The following OTOGL variants were observed in gnomAD, a reference collection of about 807,000 sequenced individuals.
OTOGL encodes otogelin-like protein.
Under a neutral mutation model 318.5 loss-of-function variants are expected in OTOGL, and 285 were observed. The observed-to-expected ratio is 0.89, with a 90% CI of 0.81 to 0.99. The LOEUF is 0.99. OTOGL is among the 50% of genes least tolerant of loss of function. The pLI, the probability that OTOGL is intolerant of heterozygous loss-of-function variation, is 0.00. For missense variants in OTOGL, 2,899 were observed against 2,845.6 expected, an observed-to-expected ratio of 1.02 and a Z score of -0.43; for synonymous variants, 987 against 936.5, an observed-to-expected ratio of 1.05 and a Z score of -0.99.
intron 18 of OTOGL, among the ~76,000 whole-genome samples, chr12:80,258,866 A>G (rs552495565): frequency 2.8e-4 from 42 of 152,216 alleles, no homozygotes; most frequent in African/African-American, 9.9e-4. Flanking sequence ...TCAGCTAGAC[A>G]GGGTGCATAA....
chr12:80,345,864 C>T (rs996967064), intron 44 of OTOGL, among the ~76,000 whole-genome samples: 2 of 152,096 alleles, frequency 1.3e-5, no homozygotes, highest in Non-Finnish European at 2.9e-5. Context: ...TACACAGTAG[C>T]CTGTGTCTTC....
chr12:80,232,515 T>C (rs985897173), intron 8 of OTOGL, among the ~76,000 whole-genome samples: 1 of 152,200 alleles, frequency 6.6e-6, no homozygotes, highest in African/African-American at 2.4e-5. Flanking sequence ...TTTAACTCTC[T>C]AGATAAAAAA....
At chr12:80,187,264 TG>T (rs1024607859) in intron 1 of OTOGL, among the ~76,000 whole-genome samples, 6 of 151,790 alleles carry the variant, frequency 4.0e-5, no homozygotes, top group African/African-American at 1.5e-4. Flanking sequence ...AGGTTGTTTT[TG>T]TTTTTTTTTT....
In OTOGL at chr12:80,367,544, A is replaced by G. The variant is rs1281704460; in HGVS notation, c.6332-17A>G. On this transcript the variant is annotated splice_polypyrimidine_tract_variant and intron_variant, in intron 53 of 58. Transcript: ENST00000547103. ...TCAACAGTATATTTTCTTATTGACT[A>G]TGTTTTCTGTTCTTAGAAAAGGATG... 4.8e-6 allele frequency: 7 copies of G among 1,463,548 alleles called. No individual in the cohort carries two copies. In the Admixed American group the frequency reaches 6.9e-5, roughly 14 times the overall value. 90.7% of individuals were successfully genotyped at this position (1,463,548 alleles called of 1,614,324 possible).
intron 37 of OTOGL, among the ~76,000 whole-genome samples, chr12:80,331,224 T>A (rs1468821860): frequency 1.3e-5 from 2 of 152,076 alleles, no homozygotes; most frequent in Non-Finnish European, 2.9e-5. Flanking sequence ...GCTGTAGTTA[T>A]CAAGACAGTT....
chr12:80,313,435 GTATC>G, intron 30 of OTOGL, 37 bp from the exon 31 acceptor site: 1 of 1,530,808 alleles, frequency 6.5e-7, no homozygotes, highest in Non-Finnish European at 9.0e-7. Context: ...ATCATAATCA[GTATC>G]TATTGAAATT....
chr12:80,271,172 A>G (rs908142897), intron 23 of OTOGL, among the ~76,000 whole-genome samples: 6 of 152,122 alleles, frequency 3.9e-5, no homozygotes, highest in Non-Finnish European at 1.5e-5. Context: ...GCCTTCTCAC[A>G]GAGGAACCCA....
At chr12:80,101,684 T>A (rs1472600439) in intron 1 of OTOGL, among the ~76,000 whole-genome samples, 1 of 152,112 alleles carries the variant, frequency 6.6e-6, no homozygotes, top group Non-Finnish European at 1.5e-5. Context: ...GCAGTTTTTT[T>A]TAAAAAAATC....
intron 46 of OTOGL, among the ~76,000 whole-genome samples, chr12:80,354,573 AG>A (rs749398688): frequency 9.2e-5 from 14 of 152,208 alleles, no homozygotes; most frequent in Non-Finnish European, 1.0e-4. Flanking sequence ...TGTCAGTCAT[AG>A]GCCTCTTCAT....
intron 1 of OTOGL, among the ~76,000 whole-genome samples, chr12:80,154,301 T>C (rs1872975974): frequency 6.6e-6 from 1 of 151,742 alleles, no homozygotes; most frequent in Non-Finnish European, 1.5e-5. Context: ...AGAGCAAGAC[T>C]CAGTTAAAAA....
intron 40 of OTOGL, 23 bp downstream of exon 40, chr12:80,336,578 A>ATTTC: frequency 6.3e-7 from 1 of 1,592,220 alleles, no homozygotes; most frequent in Non-Finnish European, 8.6e-7. Context: ...TTATTTTTGC[A>ATTTC]GTCATTTCAT....
At chr12:80,124,379 T>C (rs1211542086) in intron 1 of OTOGL, among the ~76,000 whole-genome samples, 1 of 152,212 alleles carries the variant, frequency 6.6e-6, no homozygotes, top group African/African-American at 2.4e-5. Context: ...AGGGCTCTGT[T>C]CTGTTCCATT....
At chr12:80,213,403 G>A (rs11114353) in intron 4 of OTOGL, among the ~76,000 whole-genome samples, 7,653 of 152,160 alleles carry the variant, frequency 0.05, 637 homozygotes, top group African/African-American at 0.18. Context: ...TTTATGACCT[G>A]TATCTTGTGA....
At chr12:80,168,958 A>G (rs1874010132) in intron 1 of OTOGL, among the ~76,000 whole-genome samples, 1 of 152,038 alleles carries the variant, frequency 6.6e-6, no homozygotes, top group African/African-American at 2.4e-5. Flanking sequence ...TAACTTGGGC[A>G]TTTATTCATC....
chr12:80,123,617 A>T (rs987528830), intron 1 of OTOGL, among the ~76,000 whole-genome samples: 2 of 152,140 alleles, frequency 1.3e-5, no homozygotes, highest in Non-Finnish European at 2.9e-5. Flanking sequence ...CGCCCCACTG[A>T]CTTCCACAAT....
At chr12:80,156,521 C>A (rs572348646) in intron 1 of OTOGL, among the ~76,000 whole-genome samples, 6 of 152,168 alleles carry the variant, frequency 3.9e-5, no homozygotes, top group Non-Finnish European at 7.4e-5. Context: ...CCATACAGGT[C>A]TCATCTTGAA....
intron 1 of OTOGL, among the ~76,000 whole-genome samples, chr12:80,175,468 A>G (rs1325115730): frequency 1.3e-5 from 2 of 152,210 alleles, no homozygotes; most frequent in Non-Finnish European, 2.9e-5. Flanking sequence ...CACTTGTAGC[A>G]TTGCCTTGCT....
At chr12:80,161,246 A>T (rs60315820) in intron 1 of OTOGL, among the ~76,000 whole-genome samples, 1,919 of 152,222 alleles carry the variant, frequency 0.013, 47 homozygotes, top group African/African-American at 0.043. Context: ...AAAAATTTTT[A>T]AAAAGAGAAA....
chr12:80,238,347 G>A (rs1880048119), intron 9 of OTOGL, among the ~76,000 whole-genome samples: 1 of 151,944 alleles, frequency 6.6e-6, no homozygotes, highest in South Asian at 2.1e-4. Flanking sequence ...CTATGTGACT[G>A]TCCTCTGAAA....
Sources: gnomAD v4.1 joint callset for allele counts (sites outside exome capture counted in the v4.1 genomes callset) on GRCh38, gnomAD v4.1.1 for gene constraint, MANE v1.5 for transcripts, NCBI Gene and HGNC (gene_info 2026-07-23, HGNC 2026-07-21) for gene names.